Variants in CNTNAP2 observed in about 807,000 individuals in gnomAD.
CNTNAP2 encodes the protein contactin associated protein 2.
Under a neutral mutation model 155.2 loss-of-function variants are expected in CNTNAP2, and 98 were observed. The ratio of observed to expected loss-of-function variants is 0.63; its 90% CI spans 0.54 to 0.75. CNTNAP2 has a LOEUF of 0.75. CNTNAP2 is among the 30% of genes least tolerant of loss of function. The probability of loss-of-function intolerance (pLI) is 0.00; values close to 1 mark genes in which losing one functional copy is unlikely to be tolerated. For missense variants in CNTNAP2, 1,727 were observed against 1,688.1 expected, an observed-to-expected ratio of 1.02 and a Z score of -0.40; for synonymous variants, 651 against 631.2, an observed-to-expected ratio of 1.03 and a Z score of -0.47.
chr7:147,023,388 TAC>T (rs1262154663), intron 3 of CNTNAP2, among the ~76,000 whole-genome samples: 1 of 152,220 alleles, frequency 6.6e-6, no homozygotes, highest in Admixed American at 6.5e-5. Flanking sequence ...GTGCAATGAT[TAC>T]AGTTTCACCT....
chr7:146,975,270 C>T (rs965039078), intron 3 of CNTNAP2, among the ~76,000 whole-genome samples: 3 of 151,718 alleles, frequency 2.0e-5, no homozygotes, highest in African/African-American at 7.3e-5. Flanking sequence ...TTCGAGACCA[C>T]CCTGGCCAAC....
chr7:146,503,260 C>A (rs1279323560), intron 1 of CNTNAP2, among the ~76,000 whole-genome samples: 2 of 152,076 alleles, frequency 1.3e-5, no homozygotes, highest in African/African-American at 4.8e-5. Context: ...TGAGGTCTTA[C>A]TAAAAAAATC....
At chr7:147,871,225 G>C (rs956658406) in intron 13 of CNTNAP2, among the ~76,000 whole-genome samples, 1 of 152,104 alleles carries the variant, frequency 6.6e-6, no homozygotes, top group African/African-American at 2.4e-5. Context: ...CATGTGACTT[G>C]TTGTTGTTGC....
intron 21 of CNTNAP2, among the ~76,000 whole-genome samples, chr7:148,369,484 A>G (rs1487363633): frequency 6.6e-6 from 1 of 151,704 alleles, no homozygotes; most frequent in Admixed American, 6.6e-5. Flanking sequence ...GCCTCAAGTG[A>G]TCCAAAGTGC....
intron 15 of CNTNAP2, among the ~76,000 whole-genome samples, chr7:148,102,203 TC>T (rs1804115258): frequency 6.6e-6 from 1 of 152,212 alleles, no homozygotes; most frequent in South Asian, 2.1e-4. Flanking sequence ...ATCATTTAAC[TC>T]CCACTTATAA....
chr7:146,582,535 G>A (rs913873984), intron 1 of CNTNAP2, among the ~76,000 whole-genome samples: 24 of 152,126 alleles, frequency 1.6e-4, no homozygotes, highest in Non-Finnish European at 4.4e-5. Context: ...TATAACGCAA[G>A]CCCTGATTTG....
chr7:147,423,958 A>G (rs1012453883), intron 10 of CNTNAP2, among the ~76,000 whole-genome samples: 22 of 152,308 alleles, frequency 1.4e-4, no homozygotes, highest in Non-Finnish European at 3.2e-4. Flanking sequence ...CTTGCTCAGA[A>G]AAACAGCAAT....
chr7:146,365,169 G>C (rs902408580), intron 1 of CNTNAP2, among the ~76,000 whole-genome samples: 3 of 152,024 alleles, frequency 2.0e-5, no homozygotes, highest in African/African-American at 7.2e-5. Context: ...TCATATGCAT[G>C]TCTTTTACTC....
At chr7:146,808,798 C>T (rs1803012985) in intron 2 of CNTNAP2, among the ~76,000 whole-genome samples, 2 of 152,114 alleles carry the variant, frequency 1.3e-5, no homozygotes, top group African/African-American at 4.8e-5. Flanking sequence ...ATTGATTGTA[C>T]AGTATTTTTC....
chr7:148,353,809 T>G (rs189879684), intron 21 of CNTNAP2, among the ~76,000 whole-genome samples: 5 of 152,342 alleles, frequency 3.3e-5, no homozygotes. Flanking sequence ...AATAAGTACA[T>G]TTTTGGGGTA....
rs186157085 is a variant in CNTNAP2 at position 147,589,047 on chromosome 7, A to G, written c.1897+26790A>G. Among the ~76,000 whole-genome samples the G allele has an allele frequency of 4.4e-4, 67 of 152,334 alleles. 1 individual carries two copies. The East Asian group carries it at 0.012, about 26-fold the overall frequency. ...CAAAAATCTAACATTTTAAATGATC[A>G]ATTTATTTCTGTTTATCATTTCCTT... is the stretch of plus-strand genomic sequence containing the variant. On this transcript the variant is annotated intron_variant, in intron 12 of 23. Coordinates refer to ENST00000361727, the MANE Select transcript of CNTNAP2 (RefSeq NM_014141.6).
chr7:147,394,868 TTTTAA>T (rs759143543), intron 9 of CNTNAP2, among the ~76,000 whole-genome samples: 17 of 150,852 alleles, frequency 1.1e-4, no homozygotes, highest in Admixed American at 2.0e-4. Context: ...TTATTTACTC[TTTTAA>T]TTTTAGTTCT....
In CNTNAP2 at chr7:148,012,277, A is replaced by G. The variant is rs546218751; in HGVS notation, c.2383+34288A>G. On this transcript the variant is annotated intron_variant, in intron 15 of 23. Transcript: ENST00000361727. ...CTTGCTCTTTCGAGTCCCCAGCTATACCTTAAAAAAGACACTTGTTAATTT... is the reference window on the plus strand; with the variant it reads ...CTTGCTCTTTCGAGTCCCCAGCTATGCCTTAAAAAAGACACTTGTTAATTT... Among the ~76,000 whole-genome samples the G allele has an allele frequency of 4.6e-5, 7 of 152,208 alleles. No individual in the cohort carries two copies. The South Asian group carries it at 1.5e-3, about 32-fold the overall frequency.
chr7:147,035,337 T>C (rs1326939552), intron 3 of CNTNAP2, among the ~76,000 whole-genome samples: 2 of 152,222 alleles, frequency 1.3e-5, no homozygotes, highest in Non-Finnish European at 2.9e-5. Context: ...GCAGGGAATA[T>C]AGCTAGTCCT....
chr7:146,124,460 C>T (rs1347956262), intron 1 of CNTNAP2, among the ~76,000 whole-genome samples: 8 of 151,874 alleles, frequency 5.3e-5, no homozygotes, highest in Non-Finnish European at 1.0e-4. Context: ...AATTTATAAA[C>T]AGAACTACAT....
chr7:146,360,767 A>G (rs551426451), intron 1 of CNTNAP2, among the ~76,000 whole-genome samples: 1 of 152,148 alleles, frequency 6.6e-6, no homozygotes, highest in African/African-American at 2.4e-5. Flanking sequence ...GACTGCAATA[A>G]TGGTATATTA....
At chr7:147,679,607 C>T (rs1459411307) in intron 13 of CNTNAP2, among the ~76,000 whole-genome samples, 1 of 151,766 alleles carries the variant, frequency 6.6e-6, no homozygotes, top group Non-Finnish European at 1.5e-5. Flanking sequence ...GTTTTTGGCT[C>T]CTGATTTTTG....
At chr7:147,049,774 G>A (rs900297510) in intron 4 of CNTNAP2, among the ~76,000 whole-genome samples, 1 of 152,208 alleles carries the variant, frequency 6.6e-6, no homozygotes, top group East Asian at 1.9e-4. Context: ...ACTAGAGAGA[G>A]AGAGAGAAAT....
chr7:146,593,829 T>G (rs1329192050), intron 1 of CNTNAP2, among the ~76,000 whole-genome samples: 2 of 152,210 alleles, frequency 1.3e-5, no homozygotes, highest in Non-Finnish European at 2.9e-5. Flanking sequence ...GGCCTGACTT[T>G]TAGACGCCTG....
Sources: allele counts gnomAD v4.1 joint callset (sites outside exome capture counted in the v4.1 genomes callset), GRCh38; gene constraint gnomAD v4.1.1; transcripts MANE v1.5; gene names NCBI Gene and HGNC (gene_info 2026-07-23, HGNC 2026-07-21).